ST6GALNAC5: variants seen among roughly 807,000 people sequenced by gnomAD.
ST6GALNAC5 encodes the protein ST6 N-acetylgalactosaminide alpha-2,6-sialyltransferase 5.
A neutral mutation model predicts 33.6 loss-of-function variants in ST6GALNAC5; 27 were observed. That is an observed-to-expected ratio of 0.80 (90% CI 0.59 to 1.11). ST6GALNAC5 has a LOEUF of 1.11. Ranked by LOEUF, ST6GALNAC5 falls within the 50% of genes least tolerant of loss-of-function variation. The pLI is 0.00. For missense variants in ST6GALNAC5, 428 were observed against 454.0 expected (o/e 0.94, Z 0.52); for synonymous variants, 194 against 171.2 (o/e 1.13, Z -1.04).
intron 2 of ST6GALNAC5, among the ~76,000 whole-genome samples, chr1:77,012,799 G>A (rs905694174): frequency 2.0e-5 from 3 of 152,150 alleles, no homozygotes; most frequent in African/African-American, 7.2e-5. Flanking sequence ...CAGTACTCTA[G>A]GGGATACAGG....
At chr1:77,000,260 CAT>C (rs1221619689) in intron 2 of ST6GALNAC5, among the ~76,000 whole-genome samples, 1 of 116,874 alleles carries the variant, frequency 8.6e-6, no homozygotes, top group South Asian at 3.1e-4. Flanking sequence ...AGCATTTTTT[CAT>C]GTGTTTTTTG....
intron 2 of ST6GALNAC5, among the ~76,000 whole-genome samples, chr1:76,909,711 G>A (rs1332228384): frequency 6.6e-6 from 1 of 151,984 alleles, no homozygotes; most frequent in African/African-American, 2.4e-5. Flanking sequence ...TTTATAGAGT[G>A]CTCAAATGGA....
intron 2 of ST6GALNAC5, among the ~76,000 whole-genome samples, chr1:76,906,227 C>T (rs1350754812): frequency 1.3e-5 from 2 of 152,090 alleles, no homozygotes; most frequent in South Asian, 2.1e-4. Flanking sequence ...AAGGCCCTTT[C>T]GAGATGGAGA....
chr1:77,030,014 T>G (rs1651393070), intron 2 of ST6GALNAC5, among the ~76,000 whole-genome samples: 1 of 152,226 alleles, frequency 6.6e-6, no homozygotes, highest in Non-Finnish European at 1.5e-5. Context: ...CTGGGCTGAA[T>G]GCCTCCTGAA....
chr1:76,936,655 T>A (rs1647206777), intron 2 of ST6GALNAC5, among the ~76,000 whole-genome samples: 1 of 152,098 alleles, frequency 6.6e-6, no homozygotes, highest in Admixed American at 6.6e-5. Flanking sequence ...GGTCAACCCT[T>A]AATTTACAGA....
chr1:77,062,405 G>A (rs1360335298), intron 4 of ST6GALNAC5, among the ~76,000 whole-genome samples: 1 of 152,156 alleles, frequency 6.6e-6, no homozygotes, highest in East Asian at 1.9e-4. Flanking sequence ...TTCCAGGCAA[G>A]TGACCACCAT....
At chr1:76,879,487 G>A (rs1949697) in intron 2 of ST6GALNAC5, among the ~76,000 whole-genome samples, 10,505 of 152,182 alleles carry the variant, frequency 0.069, 791 homozygotes, top group African/African-American at 0.19. Flanking sequence ...AATTCAAACA[G>A]TTATTTTCAA....
intron 2 of ST6GALNAC5, among the ~76,000 whole-genome samples, chr1:76,911,686 T>C (rs1220930917): frequency 2.0e-5 from 3 of 152,242 alleles, no homozygotes; most frequent in Non-Finnish European, 2.9e-5. Flanking sequence ...GGGTATGTGT[T>C]GAGGAATTTA....
intron 2 of ST6GALNAC5, among the ~76,000 whole-genome samples, chr1:76,878,016 A>C (rs1037374819): frequency 2.0e-5 from 3 of 152,192 alleles, no homozygotes; most frequent in Non-Finnish European, 2.9e-5. Flanking sequence ...CATTTTGTTA[A>C]GTTTATGATA....
chr1:76,900,150 G>A (rs1646803007), intron 2 of ST6GALNAC5, among the ~76,000 whole-genome samples: 1 of 152,146 alleles, frequency 6.6e-6, no homozygotes. Context: ...GTCAAAGGGG[G>A]GTTGTTCTCT....
chr1:76,937,051 T>C (rs1414409457), intron 2 of ST6GALNAC5, among the ~76,000 whole-genome samples: 1 of 151,360 alleles, frequency 6.6e-6, no homozygotes, highest in Non-Finnish European at 1.5e-5. Flanking sequence ...AGATGCCGTG[T>C]TGAGATGTTT....
intron 2 of ST6GALNAC5, among the ~76,000 whole-genome samples, chr1:76,884,779 A>G (rs1199623960): frequency 2.0e-5 from 3 of 152,182 alleles, no homozygotes; most frequent in Non-Finnish European, 4.4e-5. Context: ...TTGAGATATT[A>G]CATTTGAATA....
At chr1:76,985,097 A>G (rs1176420056) in intron 2 of ST6GALNAC5, among the ~76,000 whole-genome samples, 1 of 152,236 alleles carries the variant, frequency 6.6e-6, no homozygotes, top group African/African-American at 2.4e-5. Context: ...CGCTTTGAAA[A>G]CCAGCACAAG....
intron 2 of ST6GALNAC5, among the ~76,000 whole-genome samples, chr1:76,938,377 AG>A (rs1337205367): frequency 6.6e-6 from 1 of 152,122 alleles, no homozygotes; most frequent in Admixed American, 6.6e-5. Flanking sequence ...TTGTATGGCA[AG>A]GAACACTTAA....
rs1432824921 is a variant in ST6GALNAC5, at chr1:76,868,302, C to A, written c.16-195C>A. Reference sequence around the variant, plus strand: ...GGGCGGCGGCGGCCGAAAGCAGCGACGCGCCCGGAGCATCCCTTGCGATAC... The same window carrying A: ...GGGCGGCGGCGGCCGAAAGCAGCGAAGCGCCCGGAGCATCCCTTGCGATAC... On this transcript the variant is annotated intron_variant, in intron 1 of 4. Coordinates refer to ENST00000477717, the MANE Select transcript of ST6GALNAC5 (RefSeq NM_030965.3). This position sits in a 1 kb window ranked among gnomAD's most constrained non-coding sequence, Gnocchi z 4.3. Among the ~76,000 whole-genome samples the A allele has an allele frequency of 1.3e-5, 2 of 151,962 alleles. No individual in the cohort carries two copies. The highest frequency in any genetic ancestry group is 4.2e-4 in the South Asian group (2 of 4,808).
chr1:76,955,088 A>G (rs923412770), intron 2 of ST6GALNAC5, among the ~76,000 whole-genome samples: 1 of 152,170 alleles, frequency 6.6e-6, no homozygotes, highest in African/African-American at 2.4e-5. Flanking sequence ...TGGTATTACC[A>G]TTGTGAAAAG....
intron 2 of ST6GALNAC5, among the ~76,000 whole-genome samples, chr1:76,952,765 A>T (rs1380130903): frequency 6.6e-6 from 1 of 152,092 alleles, no homozygotes; most frequent in African/African-American, 2.4e-5. Context: ...ATAAAAATTA[A>T]AAAAGAAACC....
chr1:77,042,126 G>T (rs1400170148), intron 2 of ST6GALNAC5, among the ~76,000 whole-genome samples: 2 of 152,130 alleles, frequency 1.3e-5, no homozygotes, highest in Non-Finnish European at 2.9e-5. Flanking sequence ...TTGTAAAATG[G>T]GAGTGATAAT....
chr1:77,011,597 T>C (rs1490053889), intron 2 of ST6GALNAC5, among the ~76,000 whole-genome samples: 1 of 152,226 alleles, frequency 6.6e-6, no homozygotes, highest in Non-Finnish European at 1.5e-5. Context: ...TTATTTTATC[T>C]GTAATGATAT....
Sources: allele counts gnomAD v4.1 joint callset (sites outside exome capture counted in the v4.1 genomes callset), GRCh38; gene constraint gnomAD v4.1.1; non-coding constraint Gnocchi (gnomAD v3.1); transcripts MANE v1.5; gene names NCBI Gene and HGNC (gene_info 2026-07-23, HGNC 2026-07-21).